NALCN: variants seen among roughly 807,000 people sequenced by gnomAD.
NALCN encodes sodium leak channel NALCN.
A neutral mutation model predicts 225.3 loss-of-function variants in NALCN; 111 were observed. The ratio of observed to expected loss-of-function variants is 0.49; its 90% confidence interval spans 0.42 to 0.58. NALCN has a LOEUF of 0.58. NALCN is among the 20% of genes least tolerant of loss of function. NALCN has a pLI of 0.00. For missense variants in NALCN, 1,378 were observed against 2,202.4 expected (o/e 0.63, Z 7.49); for synonymous variants, 764 against 769.0 (o/e 0.99, Z 0.11).
intron 6 of NALCN, among the ~76,000 whole-genome samples, chr13:101,348,902 A>C (rs2045825201): frequency 6.6e-6 from 1 of 152,190 alleles, no homozygotes; most frequent in Admixed American, 6.6e-5. Context: ...GAGTTTCAGA[A>C]TATATATTTG....
intron 1 of NALCN, among the ~76,000 whole-genome samples, chr13:101,400,574 T>C (rs199912916): frequency 5.0e-5 from 6 of 119,306 alleles, no homozygotes; most frequent in African/African-American, 2.8e-4. Flanking sequence ...TGTGTGTGTG[T>C]GTGTGTGCAC....
At chr13:101,259,813 G>A (rs2042365003) in intron 10 of NALCN, among the ~76,000 whole-genome samples, 1 of 145,382 alleles carries the variant, frequency 6.9e-6, no homozygotes, top group African/African-American at 2.5e-5. Context: ...AAGATGTTTT[G>A]ATACAGGCAT....
rs79006883 is a variant in NALCN, at chr13:101,270,296, G to A, written c.1135-11722C>T. On this transcript the variant is annotated intron_variant, in intron 10 of 43. Transcript: ENST00000251127. ...AATAGGGCTGCTAGACAGGTGACAC[G>A]ACGCCATGATGGTTTTGAGATGTCA... 2.5e-3 allele frequency among the ~76,000 whole-genome samples: 383 copies of A among 152,288 alleles called. 3 individuals carry two copies. Among genetic ancestry groups the A allele is most frequent in the African/African-American group, 8.5e-3 (353 of 41,566 alleles).
chr13:101,118,360 C>T (rs2035813997), intron 18 of NALCN, among the ~76,000 whole-genome samples: 1 of 152,136 alleles, frequency 6.6e-6, no homozygotes, highest in African/African-American at 2.4e-5. Flanking sequence ...ATCTATAAAT[C>T]ATATGCTATC....
chr13:101,217,718 G>T (rs2040792179), intron 13 of NALCN, among the ~76,000 whole-genome samples: 1 of 152,128 alleles, frequency 6.6e-6, no homozygotes, highest in Non-Finnish European at 1.5e-5. Context: ...AATGTCAATG[G>T]TATGTGATAG....
rs9518305 is a variant in NALCN at position 101,100,651 on chromosome 13, G to C, written c.3162+133C>G. 1.8e-5 allele frequency: 11 copies of C among 604,382 alleles called. No individual in the cohort carries two copies. The Admixed American group carries it at 3.7e-4, about 20-fold the overall frequency. The allele number at this position is 604,382 out of a possible 1,614,324, so 37.4% of individuals were successfully genotyped here. A position where few individuals can be genotyped will look rare whatever the true frequency, so the allele number is the denominator to read the frequency against. ...GTTGGAGTACAGTGGTGAGATCATA[G>C]CTCACTGCAACCTTGACCTCCAGTT... is the stretch of plus-strand genomic sequence containing the variant. On this transcript the variant is annotated intron_variant, in intron 27 of 43. Transcript: ENST00000251127.
intron 7 of NALCN, among the ~76,000 whole-genome samples, chr13:101,297,332 C>T (rs1170201724): frequency 2.0e-5 from 3 of 152,142 alleles, no homozygotes; most frequent in Non-Finnish European, 4.4e-5. Context: ...GATGTAAGCC[C>T]GAGACAGTGG....
intron 7 of NALCN, among the ~76,000 whole-genome samples, chr13:101,334,291 A>T (rs1210471302): frequency 6.7e-6 from 1 of 149,008 alleles, no homozygotes; most frequent in East Asian, 2.0e-4. Context: ...CAGAAGGGAG[A>T]TGAGTGCTGC....
intron 17 of NALCN, among the ~76,000 whole-genome samples, chr13:101,138,628 A>G (rs914240588): frequency 1.3e-5 from 2 of 152,220 alleles, no homozygotes; most frequent in African/African-American, 4.8e-5. Context: ...ATGGTGCATC[A>G]GCCAAGACAG....
chr13:101,204,183 C>T (rs2040231947), intron 13 of NALCN, among the ~76,000 whole-genome samples: 1 of 152,070 alleles, frequency 6.6e-6, no homozygotes, highest in Non-Finnish European at 1.5e-5. Flanking sequence ...AAGTCAATTA[C>T]CTTTATGTTA....
At chr13:101,165,892 AACAATGGGTTT>A (rs60849427) in intron 15 of NALCN, among the ~76,000 whole-genome samples, 3 of 152,360 alleles carry the variant, frequency 2.0e-5, no homozygotes, top group African/African-American at 7.2e-5. Context: ...CCCATTGAAC[AACAATGGGTTT>A]ACTCCCCTCC....
intron 7 of NALCN, among the ~76,000 whole-genome samples, chr13:101,305,548 T>G (rs2044126978): frequency 1.3e-5 from 2 of 152,202 alleles, no homozygotes; most frequent in South Asian, 4.1e-4. Context: ...TACCTCATAC[T>G]GCAAAAAGAG....
chr13:101,345,624 C>T (rs1331575907), intron 6 of NALCN, among the ~76,000 whole-genome samples: 1 of 150,782 alleles, frequency 6.6e-6, no homozygotes, highest in African/African-American at 2.4e-5. Context: ...ATGATCATGC[C>T]ACTGCATTCT....
intron 15 of NALCN, among the ~76,000 whole-genome samples, chr13:101,146,962 C>T (rs2037379441): frequency 6.6e-6 from 1 of 152,182 alleles, no homozygotes; most frequent in South Asian, 2.1e-4. Flanking sequence ...ACTACTTCTA[C>T]TCCACGAGAC....
Position 101,237,922 on chromosome 13 carries a change from C to T in NALCN, c.1267G>A (p.Val423Met). ...RQYDEFYLAE[V>M]AFTVLFDLEA... is the part of the protein sequence containing the mutation. ...AAATCAAAAAGTACTGTAAAAGCCA[C>T]CTAGAGAAACAAAGAAACATTGAAA... is the stretch of plus-strand genomic sequence containing the variant. Residue 423 changes from valine (V) to methionine (M), a missense_variant and splice_region_variant, in exon 12 of 44, where the codon GTG becomes ATG. Physicochemically the swap from Val to Met is conservative, Grantham distance 21 (BLOSUM62 1). This residue lies in a region of NALCN where 144 missense variants were observed against 187.7 expected (regional missense o/e 0.77). Coordinates refer to ENST00000251127, the MANE Select transcript of NALCN (RefSeq NM_052867.4). The T allele has an allele frequency of 6.3e-7, 1 of 1,593,910 alleles. No individual in the cohort carries two copies. Among genetic ancestry groups the T allele is most frequent in the Non-Finnish European group, 8.5e-7 (1 of 1,172,592 alleles).
intron 27 of NALCN, among the ~76,000 whole-genome samples, chr13:101,097,724 C>T (rs1337058387): frequency 6.6e-6 from 1 of 152,094 alleles, no homozygotes; most frequent in African/African-American, 2.4e-5. Flanking sequence ...CTCTTCTTAC[C>T]AACCTTTTGT....
At chr13:101,293,183 G>A (rs1197918810) in intron 7 of NALCN, among the ~76,000 whole-genome samples, 1 of 152,106 alleles carries the variant, frequency 6.6e-6, no homozygotes, top group East Asian at 1.9e-4. Context: ...AGTCATTCTG[G>A]TACAAAGCCC....
intron 17 of NALCN, among the ~76,000 whole-genome samples, chr13:101,128,341 T>A (rs989416955): frequency 2.6e-5 from 4 of 152,226 alleles, no homozygotes; most frequent in Admixed American, 2.6e-4. Flanking sequence ...TAAAACACGT[T>A]TCCAGAATTA....
At chr13:101,238,649 A>G (rs1163270111) in intron 11 of NALCN, among the ~76,000 whole-genome samples, 3 of 151,990 alleles carry the variant, frequency 2.0e-5, no homozygotes, top group Non-Finnish European at 4.4e-5. Flanking sequence ...TGTAAAGGAG[A>G]TTGCAGCTGG....
Sources: gnomAD v4.1 joint callset for allele counts (sites outside exome capture counted in the v4.1 genomes callset) on GRCh38, gnomAD v4.1.1 for gene constraint, gnomAD v4.1.1 regional missense constraint, MANE v1.5 for transcripts, NCBI Gene and HGNC (gene_info 2026-07-23, HGNC 2026-07-21) for gene names.